NKAIN2: variants seen among roughly 807,000 people sequenced by gnomAD.
NKAIN2 encodes the protein sodium/potassium transporting ATPase interacting 2, also known as sodium/potassium-transporting ATPase subunit beta-1-interacting protein 2.
In NKAIN2, 14 loss-of-function variants were observed where a neutral mutation model predicts 32.6. That is an observed-to-expected ratio of 0.43 (90% CI 0.28 to 0.67). The LOEUF is 0.67. NKAIN2 is among the 30% of genes least tolerant of loss of function. The pLI is 0.17. For missense variants in NKAIN2, 198 were observed against 258.3 expected (o/e 0.77, Z 1.60); for synonymous variants, 80 against 87.2 (o/e 0.92, Z 0.46).
At chr6:124,268,636 G>A (rs1192946813) in intron 1 of NKAIN2, among the ~76,000 whole-genome samples, 2 of 151,596 alleles carry the variant, frequency 1.3e-5, no homozygotes, top group South Asian at 2.1e-4. Flanking sequence ...ATGAGTTCAT[G>A]GAACTAGAAA....
intron 1 of NKAIN2, among the ~76,000 whole-genome samples, chr6:123,932,410 T>C (rs1160217218): frequency 7.7e-5 from 1 of 13,024 alleles, no homozygotes; most frequent in Admixed American, 8.2e-4. Flanking sequence ...GTCTTTCTTT[T>C]TTTTTTTTTT....
rs1338956553 is a variant in NKAIN2, at chr6:124,221,116, T to C, written c.55-61889T>C. On this transcript the variant is annotated intron_variant, in intron 1 of 6. Transcript: ENST00000368417. The stretch of plus-strand genomic sequence containing the variant: ...AAAGACACATGCACACGTATGTTTA[T>C]TGCGGCACTATTCACAATAGCAAAG... 2.6e-5 allele frequency among the ~76,000 whole-genome samples: 4 copies of C among 151,996 alleles called. No homozygotes were observed. The East Asian group carries it at 5.8e-4, about 22-fold the overall frequency.
intron 3 of NKAIN2, among the ~76,000 whole-genome samples, chr6:124,442,300 G>A (rs1300022610): frequency 6.6e-6 from 1 of 152,094 alleles, no homozygotes; most frequent in Non-Finnish European, 1.5e-5. Flanking sequence ...AACCATTGGA[G>A]AATTGCACCT....
Position 124,082,647 on chromosome 6 carries a change from A to T in NKAIN2, c.55-200358A>T, listed in dbSNP as rs112042873. ...GACACATGGCCAATATAAAAAAAAA[A>T]GATCTTTAATAGAGTTCTGAGTTTA... On this transcript the variant is annotated intron_variant, in intron 1 of 6. Coordinates refer to ENST00000368417, the MANE Select transcript of NKAIN2 (RefSeq NM_001040214.3). Among the ~76,000 whole-genome samples, 33 of 152,192 alleles carry T rather than the reference A, an allele frequency of 2.2e-4. No homozygotes were observed. The East Asian group carries it at 4.6e-3, about 21-fold the overall frequency.
chr6:124,096,328 A>G (rs915513513), intron 1 of NKAIN2, among the ~76,000 whole-genome samples: 1 of 152,158 alleles, frequency 6.6e-6, no homozygotes, highest in Non-Finnish European at 1.5e-5. Context: ...GAAAAAAATT[A>G]TCTCTCAAAT....
intron 1 of NKAIN2, among the ~76,000 whole-genome samples, chr6:124,231,674 C>T (rs1247483976): frequency 3.9e-5 from 6 of 152,048 alleles, no homozygotes; most frequent in Non-Finnish European, 7.4e-5. Flanking sequence ...TTGCTTTCCA[C>T]CATAAGACTT....
chr6:124,526,985 C>T (rs1274979878), intron 3 of NKAIN2, among the ~76,000 whole-genome samples: 1 of 151,962 alleles, frequency 6.6e-6, no homozygotes, highest in Non-Finnish European at 1.5e-5. Context: ...GTTTTGTGTA[C>T]TTTGTGTCTT....
intron 4 of NKAIN2, among the ~76,000 whole-genome samples, chr6:124,682,711 T>A (rs1184606549): frequency 2.0e-5 from 3 of 152,202 alleles, no homozygotes; most frequent in Non-Finnish European, 4.4e-5. Context: ...CAGTATCAAT[T>A]AATGCTCTCC....
chr6:124,617,940 A>G (rs912727530), intron 3 of NKAIN2, among the ~76,000 whole-genome samples: 2 of 152,246 alleles, frequency 1.3e-5, no homozygotes, highest in Non-Finnish European at 2.9e-5. Context: ...CTTAAGGAAC[A>G]GTTTAATTTA....
At chr6:124,249,991 A>G (rs1197429548) in intron 1 of NKAIN2, among the ~76,000 whole-genome samples, 1 of 152,112 alleles carries the variant, frequency 6.6e-6, no homozygotes, top group Non-Finnish European at 1.5e-5. Flanking sequence ...TTGAGAATTC[A>G]TGTGTTGAAC....
At chr6:124,213,904 ACT>A (rs1791320395) in intron 1 of NKAIN2, among the ~76,000 whole-genome samples, 1 of 152,108 alleles carries the variant, frequency 6.6e-6, no homozygotes, top group Non-Finnish European at 1.5e-5. Flanking sequence ...TCCACATGAA[ACT>A]CGGCATTTTC....
intron 1 of NKAIN2, among the ~76,000 whole-genome samples, chr6:123,857,271 T>G (rs1269262962): frequency 6.6e-6 from 1 of 152,044 alleles, no homozygotes; most frequent in Non-Finnish European, 1.5e-5. Flanking sequence ...GATTTTTTTT[T>G]TTTTTGCATA....
intron 3 of NKAIN2, among the ~76,000 whole-genome samples, chr6:124,374,594 A>G (rs952564321): frequency 2.4e-4 from 37 of 152,184 alleles, no homozygotes; most frequent in African/African-American, 7.7e-4. Flanking sequence ...TTTAGCATCA[A>G]TTTTCTGTAT....
intron 4 of NKAIN2, among the ~76,000 whole-genome samples, chr6:124,696,545 T>C (rs1322839105): frequency 6.6e-6 from 1 of 152,114 alleles, no homozygotes. Context: ...GTTCCTCTTA[T>C]AAGCCTGATA....
intron 1 of NKAIN2, among the ~76,000 whole-genome samples, chr6:124,117,395 G>T (rs1405614796): frequency 6.6e-6 from 1 of 151,954 alleles, no homozygotes; most frequent in Non-Finnish European, 1.5e-5. Context: ...AAGGCAAAAT[G>T]GTCAGCACAG....
chr6:124,646,952 A>G (rs530039707), intron 3 of NKAIN2, among the ~76,000 whole-genome samples: 1 of 149,762 alleles, frequency 6.7e-6, no homozygotes, highest in East Asian at 1.9e-4. Context: ...CTCCGTCTCA[A>G]AAAACAAAAA....
At chr6:124,092,259 A>G (rs1275806314) in intron 1 of NKAIN2, among the ~76,000 whole-genome samples, 1 of 151,962 alleles carries the variant, frequency 6.6e-6, no homozygotes, top group Admixed American at 6.6e-5. Context: ...TTAAAATTCT[A>G]ATTGCCCATA....
Position 124,372,109 on chromosome 6 carries a change from T to C in NKAIN2, c.273+16762T>C, listed in dbSNP as rs547235294. On this transcript the variant is annotated intron_variant, in intron 3 of 6. Transcript: ENST00000368417. The stretch of plus-strand genomic sequence containing the variant: ...TAAGGAGAAACTGGATTGGTTTTGA[T>C]GATAAATTTATTGGTACTACAAAAA... Among the ~76,000 whole-genome samples the C allele has an allele frequency of 5.9e-5, 9 of 152,226 alleles. No individual in the cohort carries two copies. The East Asian group carries it at 1.4e-3, about 23-fold the overall frequency.
At chr6:124,174,780 G>A (rs1159694042) in intron 1 of NKAIN2, among the ~76,000 whole-genome samples, 2 of 152,150 alleles carry the variant, frequency 1.3e-5, no homozygotes, top group East Asian at 3.9e-4. Flanking sequence ...GAAAAGCAGG[G>A]AAATGTAGGC....
Sources: gnomAD v4.1 joint callset for allele counts (sites outside exome capture counted in the v4.1 genomes callset) on GRCh38, gnomAD v4.1.1 for gene constraint, MANE v1.5 for transcripts, NCBI Gene and HGNC (gene_info 2026-07-23, HGNC 2026-07-21) for gene names.